LDLRAD4: variants seen among roughly 807,000 people sequenced by gnomAD.
LDLRAD4 encodes low density lipoprotein receptor class A domain containing 4.
A neutral mutation model predicts 17.0 loss-of-function variants in LDLRAD4; 5 were observed. That is an observed-to-expected ratio of 0.29 (90% CI 0.15 to 0.62). The LOEUF (loss-of-function observed/expected upper bound fraction) is 0.62. Ranked by LOEUF, LDLRAD4 falls within the 20% of genes least tolerant of loss-of-function variation. The pLI, the probability that LDLRAD4 is intolerant of heterozygous loss-of-function variation, is 0.84. For missense variants in LDLRAD4, 340 were observed against 424.7 expected (o/e 0.80, Z 1.75); for synonymous variants, 168 against 171.8 (o/e 0.98, Z 0.17).
chr18:13,438,544 A>G (rs1007922), intron 3 of LDLRAD4, among the ~76,000 whole-genome samples, 160 bp downstream of exon 4: 30,237 of 152,250 alleles, frequency 0.2, 6,440 homozygotes, highest in East Asian at 0.6. Context: ...ATAGAGGGAC[A>G]GCATGTTCAA....
Position 13,643,422 on chromosome 18 carries a change from C to A in LDLRAD4, c.390+10C>A. ...GCTGGGCGCCTCGGAGGTAAGGGGCCCCAGGAGGTGATGGCTGCGGGGGGC... is the reference window on the plus strand; with the variant it reads ...GCTGGGCGCCTCGGAGGTAAGGGGCACCAGGAGGTGATGGCTGCGGGGGGC... On this transcript the variant is annotated intron_variant, in intron 5 of 5. Coordinates refer to ENST00000359446, the Ensembl canonical transcript of LDLRAD4. 1 of 1,110,894 alleles carries A rather than the reference C, an allele frequency of 9.0e-7. No individual in the cohort carries two copies. The highest frequency in any genetic ancestry group is 4.0e-5 in the South Asian group (1 of 24,994). The allele number at this position is 1,110,894 out of a possible 1,614,324, so 68.8% of individuals were successfully genotyped here.
chr18:13,379,285 G>A (rs1226045834), intron 1 of LDLRAD4, among the ~76,000 whole-genome samples: 1 of 152,342 alleles, frequency 6.6e-6, no homozygotes, highest in East Asian at 1.9e-4. Flanking sequence ...TCCCAGCCAC[G>A]ATGTCCCCCA....
At chr18:13,643,271 T>G in intron 4 of LDLRAD4, 88 bp from the exon 6 acceptor site, 1 of 833,626 alleles carries the variant, frequency 1.2e-6, no homozygotes, top group Non-Finnish European at 1.9e-6. Flanking sequence ...TTTCCAGAAG[T>G]TGTGCTTCAT....
intron 1 of LDLRAD4, among the ~76,000 whole-genome samples, chr18:13,265,277 C>T (rs898696527): frequency 5.3e-5 from 8 of 152,156 alleles, no homozygotes; most frequent in African/African-American, 1.9e-4. Context: ...TTCTGAGAAC[C>T]GCCTTACCAC....
intron 3 of LDLRAD4, among the ~76,000 whole-genome samples, chr18:13,555,256 T>C (rs150984931): frequency 6.6e-6 from 1 of 152,040 alleles, no homozygotes; most frequent in East Asian, 1.9e-4. Flanking sequence ...CTATAGACTT[T>C]AGTTAACTTT....
At chr18:13,549,293 G>C (rs542914448) in intron 3 of LDLRAD4, among the ~76,000 whole-genome samples, 2 of 152,264 alleles carry the variant, frequency 1.3e-5, no homozygotes, top group African/African-American at 2.4e-5. Context: ...TAAGAAGTTG[G>C]AGTTTTGTTT....
intron 4 of LDLRAD4, among the ~76,000 whole-genome samples, chr18:13,637,598 G>A (rs1421838730): frequency 3.3e-5 from 5 of 152,176 alleles, no homozygotes; most frequent in Admixed American, 3.3e-4. Flanking sequence ...GGGCGTGGTG[G>A]CTCAGGCCTG....
intron 3 of LDLRAD4, among the ~76,000 whole-genome samples, chr18:13,493,999 C>T (rs2093411035): frequency 6.6e-6 from 1 of 152,192 alleles, no homozygotes; most frequent in South Asian, 2.1e-4. Flanking sequence ...CGCAATCCTG[C>T]CTTATGGTGT....
intron 3 of LDLRAD4, among the ~76,000 whole-genome samples, chr18:13,547,044 C>T (rs2094375761): frequency 6.6e-6 from 1 of 152,194 alleles, no homozygotes; most frequent in Non-Finnish European, 1.5e-5. Context: ...TTTATTGATG[C>T]TAGATAAGAT....
chr18:13,491,451 T>G (rs908861149), intron 3 of LDLRAD4: 1 of 152,202 alleles, frequency 6.6e-6, no homozygotes, highest in Non-Finnish European at 1.5e-5. Context: ...CGCCCTAAGA[T>G]AGACATACTT....
In LDLRAD4 at chr18:13,262,964, G is replaced by C. The variant is rs549593477; in HGVS notation, c.-466-15141G>C. ...CCTGTGCGTGGGGGCTGAGTCCCGTGCGGCTCTGTTTGTGGGGGTTGAGTC... is the reference window on the plus strand; with the variant it reads ...CCTGTGCGTGGGGGCTGAGTCCCGTCCGGCTCTGTTTGTGGGGGTTGAGTC... On this transcript the variant is annotated intron_variant, in intron 1 of 5. Transcript: ENST00000399848. 9.2e-5 allele frequency among the ~76,000 whole-genome samples: 13 copies of C among 140,682 alleles called. No individual in the cohort carries two copies. The South Asian group carries it at 3.0e-3, about 33-fold the overall frequency. The allele number at this position is 140,682 out of a possible 152,430, so 92.3% of individuals were successfully genotyped here. A position where few individuals can be genotyped will look rare whatever the true frequency, so the allele number is the denominator to read the frequency against.
chr18:13,565,473 C>G (rs2094588280), intron 3 of LDLRAD4, among the ~76,000 whole-genome samples: 1 of 152,272 alleles, frequency 6.6e-6, no homozygotes, highest in South Asian at 2.1e-4. Flanking sequence ...CTCAGCCACA[C>G]AGCCAGGGTG....
At chr18:13,594,114 G>C (rs899096758) in intron 3 of LDLRAD4, among the ~76,000 whole-genome samples, 1 of 152,178 alleles carries the variant, frequency 6.6e-6, no homozygotes, top group African/African-American at 2.4e-5. Context: ...GGAGAGCTCA[G>C]CGTGCTGGTG....
chr18:13,631,792 G>A (rs2041684524), intron 4 of LDLRAD4, among the ~76,000 whole-genome samples: 2 of 151,884 alleles, frequency 1.3e-5, no homozygotes, highest in African/African-American at 4.8e-5. Context: ...CCAGGCATGG[G>A]GGCACGCACC....
chr18:13,564,601 A>AG (rs1176193473), intron 3 of LDLRAD4, among the ~76,000 whole-genome samples: 1 of 151,320 alleles, frequency 6.6e-6, no homozygotes, highest in African/African-American at 2.4e-5. Context: ...AAAAAAAAAA[A>AG]AAAAACTCAC....
chr18:13,334,575 G>A (rs1479522049), intron 1 of LDLRAD4, among the ~76,000 whole-genome samples: 1 of 152,136 alleles, frequency 6.6e-6, no homozygotes, highest in African/African-American at 2.4e-5. Flanking sequence ...CTAGAATCTT[G>A]CTATAGTTGC....
Position 13,438,229 on chromosome 18 carries a change from A to G in LDLRAD4, c.41-15A>G. 1 of 1,613,398 alleles carries G rather than the reference A, an allele frequency of 6.2e-7. No individual in the cohort carries two copies. Among genetic ancestry groups the G allele is most frequent in the Non-Finnish European group, 8.5e-7 (1 of 1,179,316 alleles). On this transcript the variant is annotated splice_polypyrimidine_tract_variant and intron_variant, in intron 2 of 5. Coordinates refer to ENST00000359446, the Ensembl canonical transcript of LDLRAD4. ...TTGCATTGACTGCTCCATGCTTTAT[A>G]TTGTACTTTTTCAGAGTGCAAATTC...
intron 3 of LDLRAD4, among the ~76,000 whole-genome samples, chr18:13,535,687 T>C (rs1478485178): frequency 6.6e-6 from 1 of 152,216 alleles, no homozygotes; most frequent in African/African-American, 2.4e-5. Flanking sequence ...ATTTTTCTTA[T>C]ATAAATTGTG....
At chr18:13,255,998 C>T (rs372944217) in intron 1 of LDLRAD4, among the ~76,000 whole-genome samples, 5 of 152,140 alleles carry the variant, frequency 3.3e-5, no homozygotes, top group East Asian at 3.8e-4. Flanking sequence ...GCCTAACTTT[C>T]GTGCTTGCTA....
Sources: allele counts gnomAD v4.1 joint callset (sites outside exome capture counted in the v4.1 genomes callset), GRCh38; gene constraint gnomAD v4.1.1; transcripts MANE v1.5; gene names NCBI Gene and HGNC (gene_info 2026-07-23, HGNC 2026-07-21).